AMD1: variants seen among roughly 807,000 people sequenced by gnomAD.
AMD1 encodes S-adenosylmethionine decarboxylase proenzyme.
AMD1 carries 11 observed loss-of-function variants against 40.2 expected under a neutral mutation model. The observed-to-expected ratio is 0.27, with a 90% CI of 0.17 to 0.45. The LOEUF is 0.45. Ranked by LOEUF, AMD1 falls within the 20% of genes least tolerant of loss-of-function variation. The pLI, the probability that AMD1 is intolerant of heterozygous loss-of-function variation, is 1.00. For synonymous variants in AMD1, 121 were observed against 130.8 expected (o/e 0.93, Z 0.51); for missense variants, 257 against 410.2 (o/e 0.63, Z 3.23).
At chr6:110,820,628 G>A in the AMD1 span, among the ~76,000 whole-genome samples, 45 of 152,114 alleles carry the variant, frequency 3.0e-4, no homozygotes, top group South Asian at 5.6e-3. Context: ...TGGGCCAAGC[G>A]TGGTGGCTGA....
chr6:110,834,807 G>T, the AMD1 span, among the ~76,000 whole-genome samples: 1 of 151,684 alleles, frequency 6.6e-6, no homozygotes, highest in Non-Finnish European at 1.5e-5. Flanking sequence ...AAATTAGCTG[G>T]GTGTGGTGGT....
chr6:110,827,815 C>T, the AMD1 span, among the ~76,000 whole-genome samples: 1 of 151,718 alleles, frequency 6.6e-6, no homozygotes, highest in Non-Finnish European at 1.5e-5. Flanking sequence ...CACACCCTCT[C>T]CATCTTTTAG....
chr6:110,885,577 T>G (rs1164356142), intron 1 of AMD1, among the ~76,000 whole-genome samples: 1 of 152,202 alleles, frequency 6.6e-6, no homozygotes, highest in Non-Finnish European at 1.5e-5. Flanking sequence ...ATTACAGGCG[T>G]GTGCCACCAC....
chr6:110,892,574 G>A, intron 6 of AMD1, 131 bp downstream of exon 6: 1 of 1,433,112 alleles, frequency 7.0e-7, no homozygotes, highest in Non-Finnish European at 9.6e-7. Context: ...GTGTCATGGG[G>A]GTTTGTCGTA....
intron 1 of AMD1, 123 bp from the exon 2 acceptor site, chr6:110,887,382 A>G (rs1756734055): frequency 3.4e-6 from 2 of 585,178 alleles, no homozygotes; most frequent in Non-Finnish European, 5.9e-6. Context: ...GAAAGAAACT[A>G]AAAGTTGGTG....
At chr6:110,874,375 C>T (rs1784981276), upstream of AMD1, among the ~76,000 whole-genome samples, 1 of 152,188 alleles carries the variant, frequency 6.6e-6, no homozygotes, top group Admixed American at 6.5e-5. Flanking sequence ...AGATCAAAAC[C>T]ACCACGCCAA....
intron 4 of AMD1, 104 bp from the exon 5 acceptor site, chr6:110,892,057 A>G (rs571221282): frequency 7.6e-6 from 10 of 1,320,534 alleles, no homozygotes; most frequent in Non-Finnish European, 1.1e-5. Context: ...GACATTTCTA[A>G]TAAGTGGCAA....
At chr6:110,855,065 CTTTTTTTTT>C in the AMD1 span, among the ~76,000 whole-genome samples, 52 of 80,466 alleles carry the variant, frequency 6.5e-4, 1 homozygote, top group South Asian at 2.2e-3. Context: ...CTCTCTCTCT[CTTTTTTTTT>C]TTTTTTTTTT....
rs532643650 is a variant in AMD1, at chr6:110,874,971, A to G, written c.-135A>G. The G allele has an allele frequency of 1.6e-6, 1 of 643,280 alleles. No individual in the cohort carries two copies. The highest frequency in any genetic ancestry group is 2.1e-5 in the South Asian group (1 of 48,444). 39.8% of individuals were successfully genotyped at this position (643,280 alleles called of 1,614,324 possible). On this transcript the variant is annotated 5_prime_UTR_variant, in exon 1 of 9. Coordinates refer to ENST00000368885, the MANE Select transcript of AMD1 (RefSeq NM_001634.6). Reference sequence around the variant, plus strand: ...TTTTAAAAAAAGTTAATATAAAATTATAGCAAAAAAAAAAAGGAACCTGAA... The same window carrying G: ...TTTTAAAAAAAGTTAATATAAAATTGTAGCAAAAAAAAAAAGGAACCTGAA...
the AMD1 span, among the ~76,000 whole-genome samples, chr6:110,825,253 C>T: frequency 6.6e-6 from 1 of 152,200 alleles, no homozygotes; most frequent in Non-Finnish European, 1.5e-5. Context: ...ATGTGGTCCT[C>T]TTTCTCTTCA....
the AMD1 span, chr6:110,815,303 C>T: frequency 7.3e-6 from 5 of 688,966 alleles, no homozygotes; most frequent in African/African-American, 1.9e-5. Flanking sequence ...GCAAGGGACT[C>T]CTCGGCGGCC....
chr6:110,869,799 A>G (rs1462178450), upstream of AMD1, among the ~76,000 whole-genome samples: 1 of 152,114 alleles, frequency 6.6e-6, no homozygotes, highest in Non-Finnish European at 1.5e-5. Flanking sequence ...GTGAGCCACC[A>G]CACCTGGCCT....
At chr6:110,891,788 G>T in intron 4 of AMD1, 1 of 208,558 alleles carries the variant, frequency 4.8e-6, no homozygotes, top group African/African-American at 2.3e-5. Context: ...TGTCACCCAG[G>T]CTGGAGTGGA....
At chr6:110,859,852 A>ATGTTGT in the AMD1 span, among the ~76,000 whole-genome samples, 4 of 151,604 alleles carry the variant, frequency 2.6e-5, no homozygotes, top group African/African-American at 9.7e-5. Context: ...GTTGTTGTTG[A>ATGTTGT]TGTTGTTGTT....
the AMD1 span, among the ~76,000 whole-genome samples, chr6:110,869,285 C>G: frequency 2.0e-5 from 3 of 151,650 alleles, no homozygotes; most frequent in African/African-American, 7.3e-5. Context: ...AGCCCGCCAC[C>G]GCGCCCGGCT....
the AMD1 span, chr6:110,858,382 C>T: frequency 1.3e-6 from 1 of 779,864 alleles, no homozygotes; most frequent in Non-Finnish European, 2.2e-6. Context: ...CCATCGGCCC[C>T]GACTTCCAGA....
chr6:110,874,058 C>T (rs1784971320), upstream of AMD1, among the ~76,000 whole-genome samples: 1 of 152,250 alleles, frequency 6.6e-6, no homozygotes, highest in African/African-American at 2.4e-5. Flanking sequence ...TCAGCCAATT[C>T]GGAGGCATGG....
At chr6:110,876,546 C>T (rs1223652640) in intron 1 of AMD1, among the ~76,000 whole-genome samples, 1 of 152,146 alleles carries the variant, frequency 6.6e-6, no homozygotes, top group African/African-American at 2.4e-5. Flanking sequence ...AACCCGGTTT[C>T]TAGCAGTGTA....
chr6:110,820,199 TTACTC>T, the AMD1 span, among the ~76,000 whole-genome samples: 1 of 152,062 alleles, frequency 6.6e-6, no homozygotes, highest in Non-Finnish European at 1.5e-5. Context: ...TGCTTTCACT[TTACTC>T]TATGGACGCA....
Sources: allele counts gnomAD v4.1 joint callset (sites outside exome capture counted in the v4.1 genomes callset), GRCh38; gene constraint gnomAD v4.1.1; transcripts MANE v1.5; gene names NCBI Gene and HGNC (gene_info 2026-07-23, HGNC 2026-07-21).